Variants in CENPW observed in about 807,000 individuals in gnomAD.
The protein encoded by CENPW is centromere protein W, also known as cancer-up-regulated gene 2 protein.
A neutral mutation model predicts 11.1 loss-of-function variants in CENPW; 3 were observed. The observed-to-expected ratio is 0.27, with a 90% CI of 0.12 to 0.70. The LOEUF (loss-of-function observed/expected upper bound fraction) is 0.70, where lower values mean the gene tolerates loss of function less well. Among genes scored for constraint, CENPW ranks in the 30% least tolerant of loss-of-function variants. The probability of loss-of-function intolerance (pLI) is 0.77; values close to 1 mark genes in which losing one functional copy is unlikely to be tolerated. For synonymous variants in CENPW, 38 were observed against 42.0 expected, an observed-to-expected ratio of 0.91 and a Z score of 0.37; for missense variants, 100 against 105.6, an observed-to-expected ratio of 0.95 and a Z score of 0.23.
chr6:126,403,353 G>C, the CENPW span, among the ~76,000 whole-genome samples: 1 of 152,228 alleles, frequency 6.6e-6, no homozygotes, highest in Non-Finnish European at 1.5e-5. Flanking sequence ...TAAGCTGAAA[G>C]CTAGGCCTCT....
the CENPW span, among the ~76,000 whole-genome samples, chr6:126,469,229 C>G: frequency 6.6e-6 from 1 of 152,132 alleles, no homozygotes; most frequent in African/African-American, 2.4e-5. Context: ...GGCCGTTTCA[C>G]CCATGCCGTT....
chr6:126,444,358 C>T, the CENPW span, among the ~76,000 whole-genome samples: 19 of 150,910 alleles, frequency 1.3e-4, no homozygotes, highest in African/African-American at 4.6e-4. Flanking sequence ...TCTCTCATCA[C>T]TTTCTTTTAA....
chr6:126,422,512 G>A, the CENPW span, among the ~76,000 whole-genome samples: 1 of 151,958 alleles, frequency 6.6e-6, no homozygotes, highest in African/African-American at 2.4e-5. Context: ...TCTTCCTCTT[G>A]TTATAAGGAC....
chr6:126,348,430 G>T (rs1780449813), intron 2 of CENPW, 36 bp from the exon 3 acceptor site: 2 of 1,077,378 alleles, frequency 1.9e-6, no homozygotes, highest in African/African-American at 1.6e-5. Context: ...ATTTTTCATA[G>T]ATATAATATG....
the CENPW span, among the ~76,000 whole-genome samples, chr6:126,474,681 A>G: frequency 6.6e-6 from 1 of 152,144 alleles, no homozygotes; most frequent in Non-Finnish European, 1.5e-5. Context: ...AATGTAAATC[A>G]TATGCAAACA....
chr6:126,477,444 T>C, the CENPW span, among the ~76,000 whole-genome samples: 1 of 151,956 alleles, frequency 6.6e-6, no homozygotes, highest in African/African-American at 2.4e-5. Context: ...ACAATTACAT[T>C]CACCTGAGAA....
At chr6:126,405,381 A>G in the CENPW span, among the ~76,000 whole-genome samples, 1 of 152,094 alleles carries the variant, frequency 6.6e-6, no homozygotes, top group South Asian at 2.1e-4. Context: ...TTTTCATGCC[A>G]GTACCTTGCT....
At chr6:126,458,200 C>T in the CENPW span, among the ~76,000 whole-genome samples, 1 of 151,258 alleles carries the variant, frequency 6.6e-6, no homozygotes, top group African/African-American at 2.4e-5. Flanking sequence ...CACCCATTTC[C>T]CATCAGCACA....
At chr6:126,458,978 C>G in the CENPW span, among the ~76,000 whole-genome samples, 1 of 151,358 alleles carries the variant, frequency 6.6e-6, no homozygotes, top group African/African-American at 2.4e-5. Context: ...AAACTAAGTT[C>G]TCTAGGGTGT....
chr6:126,412,918 T>G, the CENPW span, among the ~76,000 whole-genome samples: 1 of 152,176 alleles, frequency 6.6e-6, no homozygotes, highest in East Asian at 1.9e-4. Flanking sequence ...AAGCAATTGG[T>G]CAAGTCTCAA....
At chr6:126,349,925 A>T (rs1299385173), downstream of CENPW, among the ~76,000 whole-genome samples, 1 of 152,026 alleles carries the variant, frequency 6.6e-6, no homozygotes, top group East Asian at 1.9e-4. Flanking sequence ...ATCATAGCAC[A>T]CTGCAGCCTC....
the CENPW span, among the ~76,000 whole-genome samples, chr6:126,425,879 G>A: frequency 6.6e-6 from 1 of 151,606 alleles, no homozygotes; most frequent in East Asian, 1.9e-4. Flanking sequence ...AGGGCCTTAG[G>A]ATACTTTTTT....
intron 1 of CENPW, 38 bp downstream of exon 1, chr6:126,340,437 C>T (rs541914710): frequency 3.1e-5 from 50 of 1,613,968 alleles, no homozygotes; most frequent in African/African-American, 2.9e-4. Flanking sequence ...GAATGGGGCA[C>T]GGGAGAGGTA....
chr6:126,373,397 C>G, the CENPW span, among the ~76,000 whole-genome samples: 17 of 152,278 alleles, frequency 1.1e-4, no homozygotes, highest in African/African-American at 3.6e-4. Context: ...ATGTTAAGCC[C>G]TTCTTCGAGC....
the CENPW span, among the ~76,000 whole-genome samples, chr6:126,364,465 T>C: frequency 6.6e-6 from 1 of 152,208 alleles, no homozygotes; most frequent in Non-Finnish European, 1.5e-5. Context: ...TAAAATCTGC[T>C]TAAAATTTAT....
At chr6:126,432,553 A>G in the CENPW span, among the ~76,000 whole-genome samples, 2,953 of 152,268 alleles carry the variant, frequency 0.019, 40 homozygotes, top group Non-Finnish European at 0.027. Context: ...TATCAGGTTG[A>G]GTCAGGAGAC....
the CENPW span, among the ~76,000 whole-genome samples, chr6:126,385,322 T>C: frequency 9.2e-5 from 14 of 151,996 alleles, no homozygotes; most frequent in African/African-American, 3.1e-4. Flanking sequence ...TTAATCAGAG[T>C]GCTATTCACA....
chr6:126,469,086 C>G, the CENPW span, among the ~76,000 whole-genome samples: 1 of 152,178 alleles, frequency 6.6e-6, no homozygotes, highest in African/African-American at 2.4e-5. Flanking sequence ...AACCACTGCA[C>G]TCAGCCAAGC....
At chr6:126,406,867 A>T in the CENPW span, among the ~76,000 whole-genome samples, 2 of 151,714 alleles carry the variant, frequency 1.3e-5, no homozygotes, top group Non-Finnish European at 2.9e-5. Flanking sequence ...AAAAAAAAAA[A>T]GTTTGATAGA....
Sources: allele counts gnomAD v4.1 joint callset (sites outside exome capture counted in the v4.1 genomes callset), GRCh38; gene constraint gnomAD v4.1.1; transcripts MANE v1.5; gene names NCBI Gene and HGNC (gene_info 2026-07-23, HGNC 2026-07-21).